Variants in UVRAG observed in about 807,000 individuals in gnomAD.
UVRAG encodes UV radiation resistance-associated gene protein.
A neutral mutation model predicts 78.0 loss-of-function variants in UVRAG; 19 were observed. The observed-to-expected ratio is 0.24, with a 90% confidence interval of 0.17 to 0.36. The LOEUF (loss-of-function observed/expected upper bound fraction) is 0.36. Among genes scored for constraint, UVRAG ranks in the 10% least tolerant of loss-of-function variants. UVRAG has a pLI of 1.00. For synonymous variants in UVRAG, 323 were observed against 324.6 expected (o/e 1.00, Z 0.05); for missense variants, 740 against 853.8 (o/e 0.87, Z 1.66).
intron 12 of UVRAG, among the ~76,000 whole-genome samples, chr11:76,047,271 A>C (rs1950777131): frequency 1.3e-5 from 2 of 152,158 alleles, no homozygotes. Context: ...TCTGAAGAGG[A>C]GGTTCAGTGC....
At chr11:75,959,379 G>A (rs1260481899) in intron 6 of UVRAG, among the ~76,000 whole-genome samples, 1 of 152,178 alleles carries the variant, frequency 6.6e-6, no homozygotes, top group Non-Finnish European at 1.5e-5. Flanking sequence ...TTCTCCATTA[G>A]CACTTCCTGC....
intron 3 of UVRAG, among the ~76,000 whole-genome samples, chr11:75,867,780 T>TA (rs1159830436): frequency 3.3e-5 from 5 of 152,226 alleles, no homozygotes; most frequent in African/African-American, 9.6e-5. Context: ...ACTTGATTTT[T>TA]AAAAAACCTT....
intron 7 of UVRAG, among the ~76,000 whole-genome samples, chr11:75,973,672 A>G (rs1448353703): frequency 6.6e-6 from 1 of 152,054 alleles, no homozygotes; most frequent in Non-Finnish European, 1.5e-5. Context: ...CTCGTCATTT[A>G]CATTAGGTAT....
chr11:75,819,245 GAT>G (rs1565328186), intron 1 of UVRAG, among the ~76,000 whole-genome samples: 1 of 152,198 alleles, frequency 6.6e-6, no homozygotes, highest in East Asian at 1.9e-4. Flanking sequence ...GACTGTGTCA[GAT>G]GGGACTACTA....
rs142776194 is a variant in UVRAG, at chr11:75,909,913, A to C, written c.508-2041A>C. Among the ~76,000 whole-genome samples, 87 of 152,222 alleles carry C rather than the reference A, an allele frequency of 5.7e-4. 1 individual carries two copies. The East Asian group carries it at 0.017, about 29-fold the overall frequency. The stretch of plus-strand genomic sequence containing the variant: ...TTGGCATCAGTAATGCTAGTTTTAT[A>C]AGTTGGAAATTGTTCCCTTCTCCGC... On this transcript the variant is annotated intron_variant, in intron 5 of 14. Transcript: ENST00000356136.
intron 5 of UVRAG, among the ~76,000 whole-genome samples, chr11:75,899,081 C>T (rs1312173845): frequency 6.6e-6 from 1 of 152,056 alleles, no homozygotes; most frequent in Non-Finnish European, 1.5e-5. Context: ...AAAGTCCATT[C>T]CTATGCATAT....
At chr11:75,875,041 C>T (rs979395097) in intron 3 of UVRAG, among the ~76,000 whole-genome samples, 2 of 152,268 alleles carry the variant, frequency 1.3e-5, no homozygotes, top group South Asian at 4.1e-4. Flanking sequence ...CCCAGTGATT[C>T]GTGACTTTAT....
In UVRAG at chr11:76,141,025, G is replaced by A; in HGVS notation, c.1712G>A (p.Ser571Asn). 1 of 1,614,180 alleles carries A rather than the reference G, an allele frequency of 6.2e-7. No individual in the cohort carries two copies. Among genetic ancestry groups the A allele is most frequent in the Non-Finnish European group, 8.5e-7 (1 of 1,180,042 alleles). ...AAAAAAGGAGAGGATCTAGTTGGCA[G>A]CTTAAACGGAGGCCACGCGAATGTG... ...NKKKGEDLVGSLNGGHANVHP... is the reference protein window; with the variant it reads ...NKKKGEDLVGNLNGGHANVHP... The change falls in exon 15 of 15, where the codon AGC (serine) becomes AAC (asparagine). Residue 571 changes from serine to asparagine, a missense_variant. Transcript: ENST00000356136.
chr11:75,834,474 G>T (rs1945735679), intron 1 of UVRAG, among the ~76,000 whole-genome samples: 1 of 152,134 alleles, frequency 6.6e-6, no homozygotes, highest in Admixed American at 6.5e-5. Context: ...TTGTGTGTGT[G>T]TACATGCATG....
intron 8 of UVRAG, among the ~76,000 whole-genome samples, chr11:75,988,559 C>T (rs372706025): frequency 6.6e-6 from 1 of 152,270 alleles, no homozygotes; most frequent in East Asian, 1.9e-4. Flanking sequence ...GATAAAGCTG[C>T]ATAGATATTC....
chr11:75,905,576 G>A (rs887389317), intron 5 of UVRAG, among the ~76,000 whole-genome samples: 11 of 152,060 alleles, frequency 7.2e-5, no homozygotes, highest in Non-Finnish European at 7.4e-5. Flanking sequence ...TTTTCACTTA[G>A]TGTAATGTTT....
intron 1 of UVRAG, among the ~76,000 whole-genome samples, chr11:75,826,196 G>A (rs1213628899): frequency 6.7e-6 from 1 of 149,894 alleles, no homozygotes; most frequent in Non-Finnish European, 1.5e-5. Context: ...TTGCTCTGTC[G>A]CTAGGCTGGA....
In UVRAG at chr11:76,058,532, T is replaced by TA. The variant is rs1951023185; in HGVS notation, c.1227-7178_1227-7177insA. 1.4e-4 allele frequency among the ~76,000 whole-genome samples: 10 copies of TA among 72,994 alleles called. No homozygotes were observed. In the Admixed American group the frequency reaches 1.6e-3, roughly 11 times the overall value. The allele number at this position is 72,994 out of a possible 152,430, so 47.9% of individuals were successfully genotyped here. A position where few individuals can be genotyped will look rare whatever the true frequency, so the allele number is the denominator to read the frequency against. On this transcript the variant is annotated intron_variant, in intron 12 of 14. Transcript: ENST00000356136. Reference sequence around the variant, plus strand: ...CTGGGAGACAGAGCAAGACCCTATCTCCAAAAAAAAAAAAAAAAAAAATTA... The same window carrying TA: ...CTGGGAGACAGAGCAAGACCCTATCTACCAAAAAAAAAAAAAAAAAAAATTA...
At chr11:75,893,362 C>G (rs888608424) in intron 5 of UVRAG, among the ~76,000 whole-genome samples, 1 of 151,454 alleles carries the variant, frequency 6.6e-6, no homozygotes, top group African/African-American at 2.4e-5. Flanking sequence ...GTAAAATGAG[C>G]ACTAAATGAG....
At chr11:76,053,557 A>G (rs35811537) in intron 12 of UVRAG, among the ~76,000 whole-genome samples, 3,464 of 152,184 alleles carry the variant, frequency 0.023, 54 homozygotes, top group Non-Finnish European at 0.037. Flanking sequence ...ACCCTAACCA[A>G]AACTGTTATT....
At chr11:75,876,706 A>AT (rs909526883) in intron 3 of UVRAG, among the ~76,000 whole-genome samples, 7 of 151,488 alleles carry the variant, frequency 4.6e-5, no homozygotes, top group Non-Finnish European at 7.4e-5. Context: ...AAAAAAAAAA[A>AT]AACTGCCACA....
At chr11:75,868,270 A>G (rs1324196210) in intron 3 of UVRAG, among the ~76,000 whole-genome samples, 2 of 152,224 alleles carry the variant, frequency 1.3e-5, no homozygotes, top group African/African-American at 2.4e-5. Flanking sequence ...AAGTAGAAAG[A>G]CAGGAGTGTA....
At chr11:76,000,138 T>C (rs778958071) in intron 8 of UVRAG, among the ~76,000 whole-genome samples, 1 of 152,148 alleles carries the variant, frequency 6.6e-6, no homozygotes, top group Non-Finnish European at 1.5e-5. Context: ...AAATGGAACA[T>C]ACTGAAAACA....
At chr11:76,096,823 G>A (rs934577983) in intron 13 of UVRAG, among the ~76,000 whole-genome samples, 7 of 152,188 alleles carry the variant, frequency 4.6e-5, no homozygotes, top group African/African-American at 7.2e-5. Flanking sequence ...ACCTTAACCC[G>A]GGATTTGGAA....
Sources: allele counts gnomAD v4.1 joint callset (sites outside exome capture counted in the v4.1 genomes callset), GRCh38; gene constraint gnomAD v4.1.1; transcripts MANE v1.5; gene names NCBI Gene and HGNC (gene_info 2026-07-23, HGNC 2026-07-21).